Variants in OSBPL3 observed in about 807,000 individuals in gnomAD.
OSBPL3 encodes the protein oxysterol-binding protein-related protein 3.
Under a neutral mutation model 120.1 loss-of-function variants are expected in OSBPL3, and 65 were observed. That is an observed-to-expected ratio of 0.54 (90% confidence interval 0.44 to 0.67). The LOEUF is 0.67. Among genes scored for constraint, OSBPL3 ranks in the 30% least tolerant of loss-of-function variants. The probability of loss-of-function intolerance (pLI) is 0.00; values close to 1 mark genes in which losing one functional copy is unlikely to be tolerated. For missense variants in OSBPL3, 1,004 were observed against 1,082.1 expected (o/e 0.93, Z 1.01); for synonymous variants, 416 against 402.6 (o/e 1.03, Z -0.40).
At chr7:24,974,660 G>A (rs1393394646) in intron 1 of OSBPL3, among the ~76,000 whole-genome samples, 8 of 152,088 alleles carry the variant, frequency 5.3e-5, no homozygotes, top group African/African-American at 1.9e-4. Flanking sequence ...GTATTACTAG[G>A]CAATAAAAAG....
In OSBPL3 at chr7:24,950,090, A is replaced by G. The variant is rs17150612; in HGVS notation, c.-150+29796T>C. Among the ~76,000 whole-genome samples, 494 of 152,370 alleles carry G rather than the reference A, an allele frequency of 3.2e-3. 3 individuals carry two copies. Among genetic ancestry groups the G allele is most frequent in the Admixed American group, 8.0e-3 (123 of 15,306 alleles). ...GATTAGATTCATAAGCCAGGTCATA[A>G]AAAGTATTCATAACAGCATGGAGTG... is the stretch of plus-strand genomic sequence containing the variant. On this transcript the variant is annotated intron_variant, in intron 1 of 22. Coordinates refer to ENST00000313367, the MANE Select transcript of OSBPL3 (RefSeq NM_015550.4).
chr7:24,928,725 T>C (rs1193353073), intron 1 of OSBPL3, among the ~76,000 whole-genome samples: 1 of 152,194 alleles, frequency 6.6e-6, no homozygotes. Context: ...ACCATCTGGT[T>C]TTACCTGTTC....
At chr7:24,801,515 A>G (rs981647018) in intron 22 of OSBPL3, among the ~76,000 whole-genome samples, 2 of 152,086 alleles carry the variant, frequency 1.3e-5, no homozygotes, top group African/African-American at 4.8e-5. Context: ...TTCTGACATA[A>G]TGTTGTACCA....
chr7:24,970,509 T>C (rs1423309912), intron 1 of OSBPL3, among the ~76,000 whole-genome samples: 3 of 152,200 alleles, frequency 2.0e-5, no homozygotes, highest in Admixed American at 6.5e-5. Flanking sequence ...TGAGCTCCTA[T>C]AGCACTTTAA....
At position 24,800,234 on chromosome 7, in the gene OSBPL3, T is replaced by C; in HGVS notation, c.2613A>G (p.Glu871=). 6.2e-7 allele frequency: 1 copy of C among 1,612,802 alleles called. No individual in the cohort carries two copies. Among genetic ancestry groups the C allele is most frequent in the African/African-American group, 1.3e-5 (1 of 75,010 alleles). Residue 871 remains glutamate (E), a synonymous_variant, in exon 23 of 23, where the codon GAA becomes GAG. Transcript: ENST00000313367. ...DSWVSNGTYL[E]LRKDLGFSKL... ...TGGAAAAACCAAGATCTTTTCTAAG[T>C]TCCAAATAGGTGCCGTTGCTCACCC...
rs1186841386 is a variant in OSBPL3, at chr7:24,862,722, G to A, written c.870+478C>T. 1.3e-5 allele frequency among the ~76,000 whole-genome samples: 2 copies of A among 152,148 alleles called. No homozygotes were observed. The highest frequency in any genetic ancestry group is 6.5e-5 in the Admixed American group (1 of 15,282). On this transcript the variant is annotated intron_variant, in intron 9 of 22. Coordinates refer to ENST00000313367, the MANE Select transcript of OSBPL3 (RefSeq NM_015550.4). This position sits in a 1 kb window ranked among gnomAD's most constrained non-coding sequence, Gnocchi z 4.4. ...CACAGTGAATCCTGGATGAGGGATT[G>A]GGAGTTTGGAGATAAGAGGCCAAGG...
rs1314768645 is a variant in OSBPL3, at chr7:24,873,409, T to C, written c.97-1340A>G. Among the ~76,000 whole-genome samples the C allele has an allele frequency of 6.6e-6, 1 of 152,186 alleles. No homozygotes were observed. The highest frequency in any genetic ancestry group is 1.5e-5 in the Non-Finnish European group (1 of 68,044). ...TTTCCTACGTTAGCAACTGAATTCTTTACATAATGATCGTGATGGGTCTGC... is the reference window on the plus strand; with the variant it reads ...TTTCCTACGTTAGCAACTGAATTCTCTACATAATGATCGTGATGGGTCTGC... On this transcript the variant is annotated intron_variant, in intron 2 of 22. Transcript: ENST00000313367. The surrounding 1 kb of genome is among the most constrained non-coding windows in gnomAD (Gnocchi z 4.1).
intron 1 of OSBPL3, among the ~76,000 whole-genome samples, chr7:24,963,634 T>C (rs1238579118): frequency 6.6e-6 from 1 of 152,178 alleles, no homozygotes; most frequent in Non-Finnish European, 1.5e-5. Context: ...CAGCATAGCA[T>C]GGAGTGGTAA....
chr7:24,846,042 A>ATT (rs1034733743), intron 12 of OSBPL3, among the ~76,000 whole-genome samples: 25 of 152,152 alleles, frequency 1.6e-4, no homozygotes, highest in Non-Finnish European at 4.4e-5. Flanking sequence ...TGCCAACCTA[A>ATT]TTTATTGAAT....
chr7:24,887,562 G>A (rs1804716560), intron 2 of OSBPL3, among the ~76,000 whole-genome samples: 1 of 152,192 alleles, frequency 6.6e-6, no homozygotes, highest in Non-Finnish European at 1.5e-5. Flanking sequence ...GGAAAAAGCA[G>A]GAGTTGAGTT....
At position 24,922,414 on chromosome 7, in the gene OSBPL3, G is replaced by GGTCAC. The variant is rs1416559579; in HGVS notation, c.-149-29794_-149-29793insGTGAC. 2.0e-5 allele frequency among the ~76,000 whole-genome samples: 3 copies of GGTCAC among 152,088 alleles called. No homozygotes were observed. The highest frequency in any genetic ancestry group is 7.2e-5 in the African/African-American group (3 of 41,408). On this transcript the variant is annotated intron_variant, in intron 1 of 22. Coordinates refer to ENST00000313367, the MANE Select transcript of OSBPL3 (RefSeq NM_015550.4). The surrounding 1 kb of genome is among the most constrained non-coding windows in gnomAD (Gnocchi z 4.3). ...GGAACAATTCCCTCTCAGGGGAATTGTATGGCTGAGTGACCAGCGTGGGAG... is the reference window on the plus strand; with the variant it reads ...GGAACAATTCCCTCTCAGGGGAATTGGTCACTATGGCTGAGTGACCAGCGTGGGAG...
intron 16 of OSBPL3, among the ~76,000 whole-genome samples, chr7:24,826,074 T>G (rs1340627972): frequency 6.6e-6 from 1 of 152,224 alleles, no homozygotes; most frequent in Non-Finnish European, 1.5e-5. Flanking sequence ...GAAATAAGTT[T>G]TCTGACCCAT....
Position 24,969,379 on chromosome 7 carries a change from A to G in OSBPL3, c.-150+10507T>C, listed in dbSNP as rs146791188. 9.1e-4 allele frequency among the ~76,000 whole-genome samples: 138 copies of G among 152,320 alleles called. 1 individual carries two copies. The East Asian group carries it at 0.024, about 26-fold the overall frequency. On this transcript the variant is annotated intron_variant, in intron 1 of 22. Transcript: ENST00000313367. ...GAGTTCTTTATATATTGATAAAAGT[A>G]GGTCTTTGTGATATGCATTGCAATT...
rs952389639 is a variant in OSBPL3 at position 24,871,364 on chromosome 7, A to G, written c.267+378T>C. Among the ~76,000 whole-genome samples the G allele has an allele frequency of 2.6e-5, 4 of 152,178 alleles. No individual in the cohort carries two copies. Among genetic ancestry groups the G allele is most frequent in the African/African-American group, 9.7e-5 (4 of 41,442 alleles). On this transcript the variant is annotated intron_variant, in intron 4 of 22. Transcript: ENST00000313367. This position sits in a 1 kb window ranked among gnomAD's most constrained non-coding sequence, Gnocchi z 4.8. ...TTCACACACCAACTGCCTGGGATTA[A>G]TTTGAAAAGGAACTTCTTCACCCAG...
intron 14 of OSBPL3, among the ~76,000 whole-genome samples, chr7:24,838,906 C>T (rs1797344304): frequency 6.6e-6 from 1 of 152,218 alleles, no homozygotes; most frequent in Non-Finnish European, 1.5e-5. Context: ...GGTTCTTAGA[C>T]CTTTCCACTA....
rs1472869866 is a variant in OSBPL3 at position 24,964,583 on chromosome 7, G to A, written c.-150+15303C>T. Among the ~76,000 whole-genome samples the A allele has an allele frequency of 1.3e-5, 2 of 152,206 alleles. No homozygotes were observed. The highest frequency in any genetic ancestry group is 4.8e-5 in the African/African-American group (2 of 41,516). On this transcript the variant is annotated intron_variant, in intron 1 of 22. Coordinates refer to ENST00000313367, the MANE Select transcript of OSBPL3 (RefSeq NM_015550.4). This position sits in a 1 kb window ranked among gnomAD's most constrained non-coding sequence, Gnocchi z 4.2. ...GCCTGAGAAACTATTACAGCCAAGA[G>A]GAATCTAAGGAGACATGGCAACCAA...
intron 11 of OSBPL3, among the ~76,000 whole-genome samples, chr7:24,850,844 T>C (rs1046953633): frequency 7.9e-5 from 12 of 152,240 alleles, no homozygotes; most frequent in Non-Finnish European, 1.8e-4. Flanking sequence ...ATAACTCTGA[T>C]ATGGTTCTAA....
At chr7:24,840,012 A>C (rs548474307) in intron 14 of OSBPL3, among the ~76,000 whole-genome samples, 338 of 150,084 alleles carry the variant, frequency 2.3e-3, no homozygotes, top group Non-Finnish European at 3.5e-3. Context: ...AAAAAAAAAA[A>C]AAAAAAAAAG....
At chr7:24,931,630 T>C (rs1000761438) in intron 1 of OSBPL3, among the ~76,000 whole-genome samples, 3 of 152,144 alleles carry the variant, frequency 2.0e-5, no homozygotes, top group Non-Finnish European at 4.4e-5. Flanking sequence ...ATTTTAGTTT[T>C]CTGACCTCCA....
Sources: gnomAD v4.1 joint callset for allele counts (sites outside exome capture counted in the v4.1 genomes callset) on GRCh38, gnomAD v4.1.1 for gene constraint, Gnocchi (gnomAD v3.1) non-coding constraint, MANE v1.5 for transcripts, NCBI Gene and HGNC (gene_info 2026-07-23, HGNC 2026-07-21) for gene names.